TTN: variants seen among roughly 807,000 people sequenced by gnomAD.
TTN encodes the protein titin.
TTN carries 1,525 observed loss-of-function variants against 3,223.0 expected under a neutral mutation model. The observed-to-expected ratio is 0.47, with a 90% CI of 0.45 to 0.49. TTN has a LOEUF of 0.49. Ranked by LOEUF, TTN falls within the 20% of genes least tolerant of loss-of-function variation. The pLI is 0.00. For missense variants in TTN, 40,786 were observed against 43,424.0 expected (o/e 0.94, Z 5.40); for synonymous variants, 14,094 against 15,161.0 (o/e 0.93, Z 5.17).
Position 178,534,733 on chromosome 2 carries a change from C to G in TTN, c.101882G>C (p.Gly33961Ala). Residue 33961 changes from glycine to alanine, a missense_variant, in exon 358 of 363, where the codon GGT (glycine) becomes GCT (alanine). Physicochemically the swap from Gly to Ala is moderately conservative, Grantham distance 60. Transcript: ENST00000589042. ...RSSTIKIIEF[G>A]QARQLKPGDN... Reference sequence around the variant, plus strand: ...CCCTGGTTTCAGCTGACGGGCTTGACCAAATTCTATGATTTTAATGGTAGA... The same window carrying G: ...CCCTGGTTTCAGCTGACGGGCTTGAGCAAATTCTATGATTTTAATGGTAGA... The G allele has an allele frequency of 6.2e-7, 1 of 1,613,832 alleles. No individual in the cohort carries two copies. The highest frequency in any genetic ancestry group is 8.5e-7 in the Non-Finnish European group (1 of 1,179,808).
intron 150 of TTN, among the ~76,000 whole-genome samples, chr2:178,674,742 T>A (rs2067677700): frequency 6.6e-6 from 1 of 151,756 alleles, no homozygotes; most frequent in Non-Finnish European, 1.5e-5. Context: ...GATAAGCTTA[T>A]TTTACAGTTG....
chr2:178,651,328 T>C lies in TTN; in HGVS notation c.39548-8A>G, dbSNP rs369594816. The C allele has an allele frequency of 3.4e-5, 55 of 1,612,122 alleles. No homozygotes were observed. The African/African-American group carries it at 6.3e-4, about 18-fold the overall frequency. On this transcript the variant is annotated splice_polypyrimidine_tract_variant and splice_region_variant and intron_variant, in intron 207 of 362. Coordinates refer to ENST00000589042, the MANE Select transcript of TTN (RefSeq NM_001267550.2). ...CTTTTGGAACTTCAGGCACTTCAAA[T>C]ATATTAGTATTTTAACATTAGAAAC... is the stretch of plus-strand genomic sequence containing the variant.
chr2:178,712,868 A>G lies in TTN; in HGVS notation c.27157T>C (p.Phe9053Leu). 3.7e-6 allele frequency: 6 copies of G among 1,613,738 alleles called. No individual in the cohort carries two copies. Among genetic ancestry groups the G allele is most frequent in the Non-Finnish European group, 5.1e-6 (6 of 1,179,744 alleles). The change falls in exon 94 of 363, where the codon TTC becomes CTC. Residue 9053 changes from phenylalanine (F) to leucine (L), a missense_variant. Coordinates refer to ENST00000589042, the MANE Select transcript of TTN (RefSeq NM_001267550.2). ...KGTPPFSVSW[F>L]KGSSELVPGD... ...GGTACTAGTTCACTGCTACCTTTGA[A>G]CCAGCTAACACTGAAAGGAGGTGTT... is the stretch of plus-strand genomic sequence containing the variant.
chr2:178,532,528 G>T lies in TTN; in HGVS notation c.104087C>A (p.Pro34696Gln). 1 of 1,613,948 alleles carries T rather than the reference G, an allele frequency of 6.2e-7. No individual in the cohort carries two copies. Among genetic ancestry groups the T allele is most frequent in the Non-Finnish European group, 8.5e-7 (1 of 1,179,870 alleles). The change falls in exon 358 of 363, where the codon CCA (proline) becomes CAA (glutamine). Residue 34696 changes from proline to glutamine, a missense_variant. Transcript: ENST00000589042. ...ELELGFSASP[P>Q]SRSPPHFELS... ...CTCAAAGTGTGGAGGGCTTCGACTTGGGGGTGAAGCTGAAAAACCTAACTC... is the reference window on the plus strand; with the variant it reads ...CTCAAAGTGTGGAGGGCTTCGACTTTGGGGTGAAGCTGAAAAACCTAACTC...
At chr2:178,673,610 T>C in intron 152 of TTN, 23 bp downstream of exon 152, 1 of 1,521,640 alleles carries the variant, frequency 6.6e-7, no homozygotes, top group East Asian at 2.4e-5. Context: ...GTTAAAGATA[T>C]TAATAATGAG....
Position 178,570,824 on chromosome 2 carries a change from C to G in TTN, c.75308G>C (p.Arg25103Thr), listed in dbSNP as rs758786845. Reference sequence around the variant, plus strand: ...TATTCGTGGTGGATCTACCTCATCTCTAGCTGTTATTGCTCCTGTGCTTTC... The same window carrying G: ...TATTCGTGGTGGATCTACCTCATCTGTAGCTGTTATTGCTCCTGTGCTTTC... The part of the protein sequence containing the change: ...PSESTGAITA[R>T]DEVDPPRISM... The change falls in exon 326 of 363, where the codon AGA becomes ACA. Residue 25103 changes from arginine to threonine, a missense_variant. By Grantham distance (71) the Arg-to-Thr change is moderately conservative. Coordinates refer to ENST00000589042, the MANE Select transcript of TTN (RefSeq NM_001267550.2). 5 of 1,613,446 alleles carry G rather than the reference C, an allele frequency of 3.1e-6. No homozygotes were observed. In the East Asian group the frequency reaches 6.7e-5, roughly 22 times the overall value.
At position 178,533,670 on chromosome 2, in the gene TTN, A is replaced by G; in HGVS notation, c.102945T>C (p.Leu34315=). The change falls in exon 358 of 363, where the codon CTT becomes CTC. Residue 34315 remains leucine (L), a synonymous_variant. Coordinates refer to ENST00000589042, the MANE Select transcript of TTN (RefSeq NM_001267550.2). The part of the protein sequence containing the change: ...KKYTFESDKG[L]YQLTINSVTT... ...TGACACTGTTGATTGTTAATTGGTA[A>G]AGACCCTTGTCTGACTCAAATGTGT... 1 of 1,613,932 alleles carries G rather than the reference A, an allele frequency of 6.2e-7. No homozygotes were observed. Among genetic ancestry groups the G allele is most frequent in the Non-Finnish European group, 8.5e-7 (1 of 1,179,872 alleles).
At position 178,614,106 on chromosome 2, in the gene TTN, A is replaced by G; in HGVS notation, c.49291T>C (p.Tyr16431His). The G allele has an allele frequency of 1.2e-6, 2 of 1,612,528 alleles. No individual in the cohort carries two copies. The highest frequency in any genetic ancestry group is 1.1e-5 in the South Asian group (1 of 91,044). Residue 16431 changes from tyrosine (Y) to histidine (H), a missense_variant, in exon 262 of 363, where the codon TAT becomes CAT. Physicochemically the swap from Tyr to His is moderately conservative, Grantham distance 83. Transcript: ENST00000589042. ...YIFRVAAENMYGVGEPVQASP... is the reference protein window; with the variant it reads ...YIFRVAAENMHGVGEPVQASP... ...GCCTGAACTGGTTCACCAACACCAT[A>G]CATGTTTTCTGCAGCAACTCTGAAG...
intron 359 of TTN, 40 bp downstream of exon 359, chr2:178,529,920 T>A (rs72629790): frequency 1.1e-4 from 170 of 1,563,410 alleles, no homozygotes; most frequent in Non-Finnish European, 1.4e-4. Flanking sequence ...CCTAATATTA[T>A]CTTCTGAAGA....
In TTN at chr2:178,560,836, C is replaced by A; in HGVS notation, c.85296G>T (p.Leu28432=). 6.2e-7 allele frequency: 1 copy of A among 1,613,710 alleles called. No individual in the cohort carries two copies. Among genetic ancestry groups the A allele is most frequent in the Non-Finnish European group, 8.5e-7 (1 of 1,179,778 alleles). The change falls in exon 326 of 363, where the codon CTG becomes CTT. Residue 28432 remains leucine (L), a synonymous_variant. Coordinates refer to ENST00000589042, the MANE Select transcript of TTN (RefSeq NM_001267550.2). ...RRDTGQYVLT[L]KNVAGTRSVA... The stretch of plus-strand genomic sequence containing the variant: ...CAGACCGAGTGCCGGCAACATTCTT[C>A]AGTGTTAGTACATATTGCCCAGTGT...
Position 178,653,025 on chromosome 2 carries a change from A to C in TTN, c.38875+16T>G. On this transcript the variant is annotated intron_variant, in intron 199 of 362. Coordinates refer to ENST00000589042, the MANE Select transcript of TTN (RefSeq NM_001267550.2). ...AAGAGTTCAGTCTTCTGAAGCCTAA[A>C]GCCAGTGACAAATACCTTTAACAGG... 5 of 1,612,658 alleles carry C rather than the reference A, an allele frequency of 3.1e-6. No individual in the cohort carries two copies. Among genetic ancestry groups the C allele is most frequent in the Non-Finnish European group, 3.4e-6 (4 of 1,179,348 alleles).
Position 178,605,298 on chromosome 2 carries a change from GC to G in TTN, c.53882-4del. Reference sequence around the variant, plus strand: ...ACGCAACTTAATAGTTGGAGGCACTGCAAAGAGAAGAGAAAGAAAAACAGTA... The same window carrying G: ...ACGCAACTTAATAGTTGGAGGCACTGAAAGAGAAGAGAAAGAAAAACAGTA... On this transcript the variant is annotated splice_polypyrimidine_tract_variant and splice_region_variant and intron_variant, in intron 279 of 362. Transcript: ENST00000589042. 6.4e-7 allele frequency: 1 copy of G among 1,557,826 alleles called. No individual in the cohort carries two copies. Among genetic ancestry groups the G allele is most frequent in the Non-Finnish European group, 8.7e-7 (1 of 1,154,988 alleles).
rs377193479 is a variant in TTN at position 178,731,539 on chromosome 2, G to A, written c.17227C>T (p.Arg5743Trp). 49 of 1,612,556 alleles carry A rather than the reference G, an allele frequency of 3.0e-5. No homozygotes were observed. Among genetic ancestry groups the A allele is most frequent in the South Asian group, 6.6e-5 (6 of 90,980 alleles). ...IKKIESTSSL[R>W]GGTAAFQATL... ...GCCTGGAAGGCAGCTGTGCCTCCCC[G>A]GAGGGAGCTGGTACTCTCGATCTTC... Residue 5743 changes from arginine to tryptophan, a missense_variant, in exon 59 of 363, where the codon CGG becomes TGG. Physicochemically the swap from Arg to Trp is moderately radical, Grantham distance 101 (BLOSUM62 -3). Transcript: ENST00000589042.
chr2:178,594,695 G>C (rs758111018), intron 295 of TTN, 49 bp from the exon 296 acceptor site: 1 of 1,436,120 alleles, frequency 7.0e-7, no homozygotes, highest in Non-Finnish European at 9.5e-7. Context: ...GTCACATTAA[G>C]AATGTAGTAG....
rs767819850 is a variant in TTN, at chr2:178,767,900, A to G, written c.9330T>C (p.Tyr3110=). ...TDRIKIQKEK[Y]VHRLLIPSTR... ...TGGATGGGATCAGAAGGCGGTGGACATATTTCTCCTTCTGAATCTTTATTC... is the reference window on the plus strand; with the variant it reads ...TGGATGGGATCAGAAGGCGGTGGACGTATTTCTCCTTCTGAATCTTTATTC... Residue 3110 remains tyrosine, a synonymous_variant, in exon 40 of 363, where the codon TAT becomes TAC. Coordinates refer to ENST00000589042, the MANE Select transcript of TTN (RefSeq NM_001267550.2). The G allele has an allele frequency of 5.6e-6, 9 of 1,613,992 alleles. No individual in the cohort carries two copies. The highest frequency in any genetic ancestry group is 4.0e-5 in the African/African-American group (3 of 74,932).
rs181951108 is a variant in TTN, at chr2:178,787,755, C to T, written c.2076+1605G>A. Reference sequence around the variant, plus strand: ...GGTAAAATATTTTAAATTGAGGAAGCATCTGTCTGTTTTTTCCTTGAATTA... The same window carrying T: ...GGTAAAATATTTTAAATTGAGGAAGTATCTGTCTGTTTTTTCCTTGAATTA... On this transcript the variant is annotated intron_variant, in intron 13 of 362. Transcript: ENST00000589042. 1.3e-3 allele frequency among the ~76,000 whole-genome samples: 194 copies of T among 152,116 alleles called. 1 individual carries two copies. The highest frequency in any genetic ancestry group is 1.3e-4 in the Non-Finnish European group (9 of 67,922).
intron 238 of TTN, 129 bp from the exon 239 acceptor site, chr2:178,630,496 T>A: frequency 8.0e-7 from 1 of 1,245,794 alleles, no homozygotes; most frequent in Non-Finnish European, 1.1e-6. Context: ...AACTTTGAGC[T>A]CTTTTTTTAG....
chr2:178,557,436 T>C lies in TTN; in HGVS notation c.87826A>G (p.Met29276Val). Reference protein sequence around the residue: ...GSAVVGYHLEMKDRNSILWQK... With the variant: ...GSAVVGYHLEVKDRNSILWQK... ...CATAAAATACTGTTTCTGTCTTTCA[T>C]TTCCAGGTGATAGCCTACGACTGCA... The change falls in exon 329 of 363, where the codon ATG becomes GTG. Residue 29276 changes from methionine (M) to valine (V), a missense_variant. Coordinates refer to ENST00000589042, the MANE Select transcript of TTN (RefSeq NM_001267550.2). The C allele has an allele frequency of 6.2e-7, 1 of 1,613,992 alleles. No individual in the cohort carries two copies. Among genetic ancestry groups the C allele is most frequent in the Non-Finnish European group, 8.5e-7 (1 of 1,179,852 alleles).
Position 178,563,682 on chromosome 2 carries a change from C to T in TTN, c.82450G>A (p.Asp27484Asn), listed in dbSNP as rs1444267232. The T allele has an allele frequency of 6.2e-7, 1 of 1,613,696 alleles. No individual in the cohort carries two copies. The highest frequency in any genetic ancestry group is 1.7e-5 in the Admixed American group (1 of 59,996). ...CGTGCCCATGTTACTACCATAGAAT[C>T]TTTGGTGATTGCTGAGACTTCAGGT... is the stretch of plus-strand genomic sequence containing the variant. ...STPEVSAITK[D>N]SMVVTWARPV... Residue 27484 changes from aspartate to asparagine, a missense_variant, in exon 326 of 363, where the codon GAT becomes AAT. Coordinates refer to ENST00000589042, the MANE Select transcript of TTN (RefSeq NM_001267550.2). The surrounding 1 kb of genome is among the most constrained non-coding windows in gnomAD (Gnocchi z 4.5).
Sources: gnomAD v4.1 joint callset for allele counts (sites outside exome capture counted in the v4.1 genomes callset) on GRCh38, gnomAD v4.1.1 for gene constraint, Gnocchi (gnomAD v3.1) non-coding constraint, MANE v1.5 for transcripts, NCBI Gene and HGNC (gene_info 2026-07-23, HGNC 2026-07-21) for gene names.